Variants in PKD1 observed in about 807,000 individuals in gnomAD.
PKD1 encodes polycystin 1, transient receptor potential channel interacting.
A neutral mutation model predicts 361.7 loss-of-function variants in PKD1; 81 were observed. The ratio of observed to expected loss-of-function variants is 0.22; its 90% CI spans 0.19 to 0.27. The LOEUF is 0.27. Among genes scored for constraint, PKD1 ranks in the 10% least tolerant of loss-of-function variants. The pLI is 1.00. For synonymous variants in PKD1, 3,615 were observed against 2,818.3 expected, an observed-to-expected ratio of 1.28 and a Z score of -8.95; for missense variants, 6,399 against 6,118.3, an observed-to-expected ratio of 1.05 and a Z score of -1.53.
rs1567153315 is a variant in PKD1 at position 2,091,909 on chromosome 16, G to A, written c.11412-3C>T. 1 of 1,611,570 alleles carries A rather than the reference G, an allele frequency of 6.2e-7. No individual in the cohort carries two copies. Among genetic ancestry groups the A allele is most frequent in the Non-Finnish European group, 8.5e-7 (1 of 1,179,630 alleles). On this transcript the variant is annotated splice_polypyrimidine_tract_variant and splice_region_variant and intron_variant, in intron 40 of 45. Transcript: ENST00000262304. The stretch of plus-strand genomic sequence containing the variant: ...CACAGGAGCCCCAGGACCATGCCCT[G>A]CCGGAGAGGGGTGGCGTGGGTGCCG...
In PKD1 at chr16:2,111,029, C is replaced by A. The variant is rs1273350105; in HGVS notation, c.4138G>T (p.Val1380Leu). Residue 1380 changes from valine (V) to leucine (L), a missense_variant, in exon 15 of 46, where the codon GTG (valine) becomes TTG (leucine). Val to Leu is a conservative substitution (Grantham distance 32). Transcript: ENST00000262304. ...TCTGGCTGCAGGGTGACGTTGCCCACCTCTGGCTCCACGCAGATGCTGGTG... is the reference window on the plus strand; with the variant it reads ...TCTGGCTGCAGGGTGACGTTGCCCAACTCTGGCTCCACGCAGATGCTGGTG... ...YFTSICVEPEVGNVTLQPERQ... is the reference protein window; with the variant it reads ...YFTSICVEPELGNVTLQPERQ... 6 of 1,610,588 alleles carry A rather than the reference C, an allele frequency of 3.7e-6. No individual in the cohort carries two copies. Among genetic ancestry groups the A allele is most frequent in the Non-Finnish European group, 5.1e-6 (6 of 1,179,820 alleles).
In PKD1 at chr16:2,102,802, C is replaced by G. The variant is rs369347070; in HGVS notation, c.8948+12G>C. On this transcript the variant is annotated intron_variant, in intron 24 of 45. Transcript: ENST00000262304. ...CCTGCCCTGCCCTGCCAGGCTGGCCCGCAGAGCTCACCCCGGGGAAATGAA... is the reference window on the plus strand; with the variant it reads ...CCTGCCCTGCCCTGCCAGGCTGGCCGGCAGAGCTCACCCCGGGGAAATGAA... 3.1e-6 allele frequency: 5 copies of G among 1,609,824 alleles called. No homozygotes were observed. Among genetic ancestry groups the G allele is most frequent in the African/African-American group, 1.3e-5 (1 of 74,804 alleles).
chr16:2,131,539 A>G (rs2092879773), intron 1 of PKD1, among the ~76,000 whole-genome samples: 1 of 151,548 alleles, frequency 6.6e-6, no homozygotes, highest in South Asian at 2.1e-4. Context: ...AAATAAATAA[A>G]TAAAATACAT....
rs772882696 is a variant in PKD1, at chr16:2,099,632, G to A, written c.10050+12C>T. ...CATTCCCAGTACTCCCGGGTCCCCA[G>A]CCCCAGCCCACCTTGCTCCGGGACA... On this transcript the variant is annotated intron_variant, in intron 30 of 45. Coordinates refer to ENST00000262304, the MANE Select transcript of PKD1 (RefSeq NM_001009944.3). The A allele has an allele frequency of 2.0e-5, 31 of 1,586,308 alleles. No individual in the cohort carries two copies. In the African/African-American group the frequency reaches 3.6e-4, roughly 19 times the overall value.
At position 2,091,867 on chromosome 16, in the gene PKD1, C is replaced by G. The variant is rs755622553; in HGVS notation, c.11451G>C (p.Gly3817=). The G allele has an allele frequency of 6.2e-7, 1 of 1,610,972 alleles. No homozygotes were observed. The highest frequency in any genetic ancestry group is 1.7e-5 in the Admixed American group (1 of 59,822). The change falls in exon 41 of 46, where the codon GGG becomes GGC. Residue 3817 remains glycine (G), a synonymous_variant. Transcript: ENST00000262304. The part of the protein sequence containing the change: ...SWGSCAVYDS[G]GYVQELGLSL... ...TCAGGCCCAGCTCCTGCACGTAGCC[C>G]CCGCTGTCATACACGGCACAGGAGC...
At chr16:2,124,871 C>T (rs1047791180) in intron 1 of PKD1, among the ~76,000 whole-genome samples, 23 of 152,306 alleles carry the variant, frequency 1.5e-4, no homozygotes, top group Non-Finnish European at 3.1e-4. Flanking sequence ...GGACAGGACG[C>T]CAGACCCAGG....
intron 1 of PKD1, among the ~76,000 whole-genome samples, chr16:2,128,571 T>C (rs1441541966): frequency 6.6e-6 from 1 of 152,188 alleles, no homozygotes; most frequent in African/African-American, 2.4e-5. Context: ...AGAGCCTCAA[T>C]TTCCTGGTGT....
intron 26 of PKD1, among the ~76,000 whole-genome samples, chr16:2,101,474 G>T (rs1371779165): frequency 6.6e-6 from 1 of 152,070 alleles, no homozygotes; most frequent in Non-Finnish European, 1.5e-5. Flanking sequence ...AAAATTAACT[G>T]GGTGTGGTGG....
At position 2,093,873 on chromosome 16, in the gene PKD1, C is replaced by G. The variant is rs1295445879; in HGVS notation, c.10759G>C (p.Ala3587Pro). The part of the protein sequence containing the change: ...GASFPPGVSV[A>P]WLLSSSASFL... ...CTGGCGCTGCTGGACAGGAGCCACGCAACACTCACGCCCGGGGGGAAGCTC... is the reference window on the plus strand; with the variant it reads ...CTGGCGCTGCTGGACAGGAGCCACGGAACACTCACGCCCGGGGGGAAGCTC... Residue 3587 changes from alanine to proline, a missense_variant, in exon 36 of 46, where the codon GCG becomes CCG. By Grantham distance (27) the Ala-to-Pro change is conservative (BLOSUM62 -1). Coordinates refer to ENST00000262304, the MANE Select transcript of PKD1 (RefSeq NM_001009944.3). 6 of 1,572,812 alleles carry G rather than the reference C, an allele frequency of 3.8e-6. No homozygotes were observed. The South Asian group carries it at 5.7e-5, about 15-fold the overall frequency.
rs140412120 is a variant in PKD1, at chr16:2,110,947, G to A, written c.4220C>T (p.Pro1407Leu). The A allele has an allele frequency of 5.7e-5, 92 of 1,610,848 alleles. 1 individual carries two copies. Among genetic ancestry groups the A allele is most frequent in the African/African-American group, 2.4e-4 (18 of 74,986 alleles). Residue 1407 changes from proline (P) to leucine (L), a missense_variant, in exon 15 of 46, where the codon CCG (proline) becomes CTG (leucine). Physicochemically the swap from Pro to Leu is moderately conservative, Grantham distance 98 (BLOSUM62 -3). Coordinates refer to ENST00000262304, the MANE Select transcript of PKD1 (RefSeq NM_001009944.3). ...EAWLVACAWP[P>L]FPYRYTWDFG... Reference sequence around the variant, plus strand: ...GTCCCAGGTGTAGCGGTAGGGGAACGGGGGCCAGGCACATGCCACCAGCCA... The same window carrying A: ...GTCCCAGGTGTAGCGGTAGGGGAACAGGGGCCAGGCACATGCCACCAGCCA...
rs116114803 is a variant in PKD1, at chr16:2,093,864, G to A, written c.10768C>T (p.Leu3590=). The change falls in exon 36 of 46, where the codon CTG becomes TTG. Residue 3590 remains leucine (L), a synonymous_variant. Coordinates refer to ENST00000262304, the MANE Select transcript of PKD1 (RefSeq NM_001009944.3). ...GCCAGGAAGCTGGCGCTGCTGGACA[G>A]GAGCCACGCAACACTCACGCCCGGG... is the stretch of plus-strand genomic sequence containing the variant. ...FPPGVSVAWL[L]SSSASFLASF... is the part of the protein sequence containing the mutation. 49,435 of 1,569,998 alleles carry A rather than the reference G, an allele frequency of 0.031. 941 individuals carry two copies. Among genetic ancestry groups the A allele is most frequent in the Non-Finnish European group, 0.038 (43,742 of 1,163,710 alleles).
At position 2,108,369 on chromosome 16, in the gene PKD1, G is replaced by C. The variant is rs139215055; in HGVS notation, c.6798C>G (p.Arg2266=). ...CCAGGTCCCGTGTGTCTGACCACACGCGGTATGAGCCACCCTCAATGATGG... is the reference window on the plus strand; with the variant it reads ...CCAGGTCCCGTGTGTCTGACCACACCCGGTATGAGCCACCCTCAATGATGG... The part of the protein sequence containing the change: ...LVPIIEGGSY[R]VWSDTRDLVL... The change falls in exon 15 of 46, where the codon CGC becomes CGG. Residue 2266 remains arginine, a synonymous_variant. Transcript: ENST00000262304. 2 of 1,610,210 alleles carry C rather than the reference G, an allele frequency of 1.2e-6. No homozygotes were observed. The highest frequency in any genetic ancestry group is 1.3e-5 in the African/African-American group (1 of 74,862).
chr16:2,109,408 C>A lies in PKD1; in HGVS notation c.5759G>T (p.Arg1920Leu), dbSNP rs776028509. 5.0e-6 allele frequency: 8 copies of A among 1,600,934 alleles called. No individual in the cohort carries two copies. The highest frequency in any genetic ancestry group is 3.3e-5 in the South Asian group (3 of 90,932). The change falls in exon 15 of 46, where the codon CGC (arginine) becomes CTC (leucine). Residue 1920 changes from arginine (R) to leucine (L), a missense_variant. Transcript: ENST00000262304. ...LLAAGSAVTF[R>L]LQVGGANPEV... ...GGGGTTGGCCCCGCCGACCTGCAGG[C>A]GGAAGGTGACAGCTGAGCCGGCAGC...
At position 2,106,229 on chromosome 16, in the gene PKD1, C is replaced by T; in HGVS notation, c.7565G>A (p.Cys2522Tyr). 6.2e-7 allele frequency: 1 copy of T among 1,610,246 alleles called. No homozygotes were observed. Among genetic ancestry groups the T allele is most frequent in the Non-Finnish European group, 8.5e-7 (1 of 1,179,556 alleles). ...LLLRRCRQGH[C>Y]EEFCVYKGSL... ...GCCCTTGTAGACACAGAACTCCTCG[C>T]AGTGGCCCTGGCGACAGCGCCGCAG... Residue 2522 changes from cysteine to tyrosine, a missense_variant, in exon 19 of 46, where the codon TGC becomes TAC. Cys to Tyr is a radical substitution (Grantham distance 194). Transcript: ENST00000262304. This position sits in a 1 kb window ranked among gnomAD's most constrained non-coding sequence, Gnocchi z 6.5.
In PKD1 at chr16:2,115,483, G is replaced by T; in HGVS notation, c.1992C>A (p.Ala664=). 6.2e-7 allele frequency: 1 copy of T among 1,602,536 alleles called. No homozygotes were observed. The highest frequency in any genetic ancestry group is 8.5e-7 in the Non-Finnish European group (1 of 1,176,002). ...LPLDASCHPQ[A]CANGCTSGPG... is the part of the protein sequence containing the mutation. The stretch of plus-strand genomic sequence containing the variant: ...GCCCTGACGTGCAGCCATTGGCGCA[G>T]GCCTGGGGGTGGCAGGAGGCGTCCA... Residue 664 remains alanine, a synonymous_variant, in exon 10 of 46, where the codon GCC becomes GCA. Coordinates refer to ENST00000262304, the MANE Select transcript of PKD1 (RefSeq NM_001009944.3).
intron 14 of PKD1, 143 bp from the exon 15 acceptor site, chr16:2,112,014 G>A (rs1039527287): frequency 9.1e-6 from 8 of 880,258 alleles, no homozygotes; most frequent in East Asian, 7.9e-5. Flanking sequence ...CCCAAGCCAC[G>A]TGCGGGACGG....
chr16:2,112,298 G>A (rs751546743), intron 14 of PKD1, 42 bp downstream of exon 14: 19 of 1,555,164 alleles, frequency 1.2e-5, no homozygotes, highest in Non-Finnish European at 1.6e-5. Flanking sequence ...CCCGTGCTCA[G>A]AGCCTGAAAG....
Position 2,111,101 on chromosome 16 carries a change from G to C in PKD1, c.4066C>G (p.Pro1356Ala). The C allele has an allele frequency of 6.2e-7, 1 of 1,610,736 alleles. No homozygotes were observed. Among genetic ancestry groups the C allele is most frequent in the Non-Finnish European group, 8.5e-7 (1 of 1,179,764 alleles). The part of the protein sequence containing the change: ...THNFTRSGTF[P>A]LALVLSSRVN... Reference sequence around the variant, plus strand: ...CGGCTGGACAGCACCAGCGCCAGGGGGAACGTGCCGCTCCGCGTGAAGTTG... The same window carrying C: ...CGGCTGGACAGCACCAGCGCCAGGGCGAACGTGCCGCTCCGCGTGAAGTTG... Residue 1356 changes from proline to alanine, a missense_variant, in exon 15 of 46, where the codon CCC (proline) becomes GCC (alanine). Transcript: ENST00000262304.
chr16:2,096,903 G>A, intron 34 of PKD1: 2 of 574,340 alleles, frequency 3.5e-6, no homozygotes, highest in Non-Finnish European at 6.2e-6. Flanking sequence ...CCTCACACAG[G>A]AGCCTTTCTG....
Sources: gnomAD v4.1 joint callset for allele counts (sites outside exome capture counted in the v4.1 genomes callset) on GRCh38, gnomAD v4.1.1 for gene constraint, Gnocchi (gnomAD v3.1) non-coding constraint, MANE v1.5 for transcripts, NCBI Gene and HGNC (gene_info 2026-07-23, HGNC 2026-07-21) for gene names.